Variants in SLC20A2 observed in about 807,000 individuals in gnomAD.
SLC20A2 encodes the protein solute carrier family 20 member 2.
Under a neutral mutation model 61.0 loss-of-function variants are expected in SLC20A2, and 30 were observed. The observed-to-expected ratio is 0.49, with a 90% CI of 0.37 to 0.67. The LOEUF (loss-of-function observed/expected upper bound fraction) is 0.67, where lower values mean the gene tolerates loss of function less well. Among genes scored for constraint, SLC20A2 ranks in the 30% least tolerant of loss-of-function variants. SLC20A2 has a pLI of 0.00. For missense variants in SLC20A2, 626 were observed against 866.4 expected (o/e 0.72, Z 3.48); for synonymous variants, 351 against 353.3 (o/e 0.99, Z 0.07).
At chr8:42,419,749 A>T in intron 10 of SLC20A2, 1 of 877,632 alleles carries the variant, frequency 1.1e-6, no homozygotes, top group South Asian at 5.3e-5. Flanking sequence ...TCAGCACATG[A>T]TATCATGTAA....
chr8:42,466,050 G>C, intron 2 of SLC20A2, 133 bp from the exon 3 acceptor site: 1 of 801,488 alleles, frequency 1.2e-6, no homozygotes, highest in South Asian at 2.1e-5. Flanking sequence ...TTTACAAAGC[G>C]CTACAGCCTG....
rs370590168 is a variant in SLC20A2, at chr8:42,428,842, G to A, written c.1710C>T (p.Ser570=). The change falls in exon 10 of 11, where the codon AGC becomes AGT. Residue 570 remains serine, a splice_region_variant and synonymous_variant. Transcript: ENST00000520262. ...CTGAGGCCAGCTCGATCGTGAAGCC[G>A]CTGTGGGGGGAGCATGAGACACGTC... ...GKDLTPITPS[S]GFTIELASAF... 3.9e-5 allele frequency: 62 copies of A among 1,590,780 alleles called. No individual in the cohort carries two copies. In the African/African-American group the frequency reaches 7.3e-4, roughly 19 times the overall value.
At chr8:42,519,212 G>A (rs1339520249) in intron 1 of SLC20A2, among the ~76,000 whole-genome samples, 3 of 152,178 alleles carry the variant, frequency 2.0e-5, no homozygotes, top group African/African-American at 4.8e-5. Context: ...TTGGGAGGCC[G>A]AGGCAGACAG....
intron 1 of SLC20A2, among the ~76,000 whole-genome samples, chr8:42,478,754 TCAGA>T (rs1808350901): frequency 6.6e-6 from 1 of 152,002 alleles, no homozygotes; most frequent in Non-Finnish European, 1.5e-5. Context: ...ATAAAAGTGA[TCAGA>T]AAAAATGCTG....
chr8:42,459,876 T>G lies in SLC20A2; in HGVS notation c.613+20A>C. ...TACAATGCACTTTGCCCCTGGAGTA[T>G]GCTTCCAAGGGATCCTTACCTGGTG... On this transcript the variant is annotated intron_variant, in intron 5 of 10. Transcript: ENST00000520262. 6.6e-7 allele frequency: 1 copy of G among 1,521,546 alleles called. No homozygotes were observed. The highest frequency in any genetic ancestry group is 9.1e-7 in the Non-Finnish European group (1 of 1,097,536). 94.3% of individuals were successfully genotyped at this position (1,521,546 alleles called of 1,614,324 possible).
At chr8:42,527,419 G>C (rs1343636991) in intron 1 of SLC20A2, among the ~76,000 whole-genome samples, 5 of 151,062 alleles carry the variant, frequency 3.3e-5, no homozygotes, top group Non-Finnish European at 7.4e-5. Context: ...GTATACAGGA[G>C]CTCTATTAAT....
At chr8:42,497,981 T>A (rs1432774455) in intron 1 of SLC20A2, among the ~76,000 whole-genome samples, 1 of 152,162 alleles carries the variant, frequency 6.6e-6, no homozygotes, top group Non-Finnish European at 1.5e-5. Context: ...TCTGAGAAGC[T>A]GAAGGCATTT....
intron 2 of SLC20A2, among the ~76,000 whole-genome samples, chr8:42,468,178 A>G (rs1321098798): frequency 6.6e-6 from 1 of 152,212 alleles, no homozygotes; most frequent in Non-Finnish European, 1.5e-5. Context: ...CTCGGATTAC[A>G]GGTGTGAGCC....
intron 5 of SLC20A2, among the ~76,000 whole-genome samples, chr8:42,455,257 T>TAGAGAGAGAGAG (rs71548583): frequency 1.3e-4 from 11 of 81,616 alleles, no homozygotes; most frequent in African/African-American, 4.0e-4. Context: ...TATATATATA[T>TAGAGAGAGAGAG]AGAGAGAGAG....
At chr8:42,471,900 A>G (rs1294409295) in intron 2 of SLC20A2, among the ~76,000 whole-genome samples, 1 of 152,244 alleles carries the variant, frequency 6.6e-6, no homozygotes, top group African/African-American at 2.4e-5. Context: ...AAGTTCAGAA[A>G]ATAAATGGTT....
intron 1 of SLC20A2, among the ~76,000 whole-genome samples, chr8:42,481,559 C>T (rs918181301): frequency 6.6e-6 from 1 of 152,086 alleles, no homozygotes; most frequent in Non-Finnish European, 1.5e-5. Context: ...AGAATGCTGC[C>T]GGGCTCTCAC....
chr8:42,492,651 A>C (rs1376192846), intron 1 of SLC20A2, among the ~76,000 whole-genome samples: 1 of 152,094 alleles, frequency 6.6e-6, no homozygotes, highest in African/African-American at 2.4e-5. Flanking sequence ...ATGGTAGCAC[A>C]TGATTCCAGA....
At chr8:42,440,428 T>C (rs1804686384) in intron 6 of SLC20A2, among the ~76,000 whole-genome samples, 2 of 152,232 alleles carry the variant, frequency 1.3e-5, no homozygotes, top group African/African-American at 2.4e-5. Context: ...CTCAGCATAA[T>C]GCCTTTGAAA....
upstream of SLC20A2, among the ~76,000 whole-genome samples, chr8:42,504,127 G>A (rs1429934890): frequency 6.6e-6 from 1 of 152,136 alleles, no homozygotes; most frequent in Non-Finnish European, 1.5e-5. Flanking sequence ...TTTTTGTAGA[G>A]AGGAGGTCTC....
At chr8:42,447,605 A>G (rs56735111) in intron 5 of SLC20A2, among the ~76,000 whole-genome samples, 6,082 of 152,152 alleles carry the variant, frequency 0.04, 346 homozygotes, top group African/African-American at 0.13. Context: ...ATGAACCCGG[A>G]AGGTGGAGCT....
chr8:42,539,719 G>C (rs1473051685), intron 1 of SLC20A2, among the ~76,000 whole-genome samples: 1 of 151,982 alleles, frequency 6.6e-6, no homozygotes, highest in Non-Finnish European at 1.5e-5. Flanking sequence ...GGAAAGAGGG[G>C]GCCATTTAAG....
At chr8:42,476,127 C>T (rs745443492) in intron 1 of SLC20A2, among the ~76,000 whole-genome samples, 2 of 115,668 alleles carry the variant, frequency 1.7e-5, no homozygotes, top group African/African-American at 3.2e-5. Context: ...CACGAAATCT[C>T]GCTCTGTCGC....
At chr8:42,459,421 G>A (rs1005665882) in intron 5 of SLC20A2, among the ~76,000 whole-genome samples, 1 of 151,982 alleles carries the variant, frequency 6.6e-6, no homozygotes, top group Non-Finnish European at 1.5e-5. Context: ...TGCTGTGAAC[G>A]GCTTTAGAGC....
At chr8:42,512,353 CTCTT>C (rs747747569) in intron 1 of SLC20A2, among the ~76,000 whole-genome samples, 25 of 150,788 alleles carry the variant, frequency 1.7e-4, no homozygotes, top group Admixed American at 2.6e-4. Flanking sequence ...ACTTGAAAAA[CTCTT>C]TTTTTTTTTT....
Sources: allele counts gnomAD v4.1 joint callset (sites outside exome capture counted in the v4.1 genomes callset), GRCh38; gene constraint gnomAD v4.1.1; transcripts MANE v1.5; gene names NCBI Gene and HGNC (gene_info 2026-07-23, HGNC 2026-07-21).